The following PPFIBP2 variants were observed in gnomAD, a reference collection of about 807,000 sequenced individuals.
The protein encoded by PPFIBP2 is PPFIB scaffold protein 2.
PPFIBP2 carries 118 observed loss-of-function variants against 118.3 expected under a neutral mutation model. The observed-to-expected ratio is 1.00, with a 90% CI of 0.86 to 1.16. The LOEUF (loss-of-function observed/expected upper bound fraction) is 1.16. Among genes scored for constraint, PPFIBP2 ranks in the 50% most tolerant of loss-of-function variants. The pLI is 0.00. For synonymous variants in PPFIBP2, 414 were observed against 397.4 expected, an observed-to-expected ratio of 1.04 and a Z score of -0.50; for missense variants, 1,195 against 1,073.1, an observed-to-expected ratio of 1.11 and a Z score of -1.59.
Position 7,642,315 on chromosome 11 carries a change from C to T in PPFIBP2, c.1535C>T (p.Ser512Leu). ...CCATGCAGAATCCGAAGAACTCAGT[C>T]AGGAAATTTCTACACTGACACGCTG... The part of the protein sequence containing the change: ...KFWGKIRRTQ[S>L]GNFYTDTLGM... The change falls in exon 17 of 24, where the codon TCA becomes TTA. Residue 512 changes from serine (S) to leucine (L), a missense_variant. By Grantham distance (145) the Ser-to-Leu change is moderately radical (BLOSUM62 -2). Transcript: ENST00000299492. 1.2e-6 allele frequency: 2 copies of T among 1,614,122 alleles called. No homozygotes were observed. The highest frequency in any genetic ancestry group is 1.1e-5 in the South Asian group (1 of 91,070).
chr11:7,628,367 C>T lies in PPFIBP2; in HGVS notation c.888+21C>T, dbSNP rs1429575484. 3.1e-6 allele frequency: 5 copies of T among 1,610,704 alleles called. No homozygotes were observed. In the South Asian group the frequency reaches 4.4e-5, roughly 14 times the overall value. ...ATAAGGTAAGATGGTCATTGGGTAG[C>T]CCTGTCTTTTCCATGCTTACATCCC... On this transcript the variant is annotated intron_variant, in intron 9 of 23. Coordinates refer to ENST00000299492, the MANE Select transcript of PPFIBP2 (RefSeq NM_003621.5).
intron 21 of PPFIBP2, 163 bp from the exon 22 acceptor site, chr11:7,650,677 G>A (rs953503722): frequency 1.8e-6 from 1 of 564,618 alleles, no homozygotes; most frequent in African/African-American, 1.9e-5. Context: ...CCTAGAAACT[G>A]GGGAGGCTGG....
chr11:7,611,549 A>G (rs905119193), intron 6 of PPFIBP2, among the ~76,000 whole-genome samples: 1 of 152,260 alleles, frequency 6.6e-6, no homozygotes, highest in South Asian at 2.1e-4. Flanking sequence ...CAATAAGCTG[A>G]GAACAGTAGC....
chr11:7,634,435 C>A, intron 12 of PPFIBP2, 60 bp from the exon 13 acceptor site: 1 of 1,322,624 alleles, frequency 7.6e-7, no homozygotes, highest in Non-Finnish European at 1.1e-6. Flanking sequence ...ATGTCCTCTG[C>A]ATGAGTGATA....
chr11:7,624,581 G>A (rs1464095919), intron 7 of PPFIBP2, among the ~76,000 whole-genome samples: 1 of 152,196 alleles, frequency 6.6e-6, no homozygotes, highest in African/African-American at 2.4e-5. Flanking sequence ...GCCAACACAT[G>A]GGGAAGGGGT....
intron 1 of PPFIBP2, among the ~76,000 whole-genome samples, chr11:7,540,362 GGGA>G (rs1384276657): frequency 1.3e-5 from 2 of 152,164 alleles, no homozygotes; most frequent in East Asian, 1.9e-4. Context: ...CTGAAAGAGA[GGGA>G]GGAGATTTTA....
chr11:7,546,199 C>T (rs112548356), intron 1 of PPFIBP2, among the ~76,000 whole-genome samples: 2,268 of 152,284 alleles, frequency 0.015, 65 homozygotes, highest in African/African-American at 0.052. Context: ...CTTATGAAAG[C>T]ACATTGTATG....
intron 1 of PPFIBP2, among the ~76,000 whole-genome samples, chr11:7,523,556 G>A (rs1353738634): frequency 1.3e-5 from 2 of 152,138 alleles, no homozygotes; most frequent in Non-Finnish European, 2.9e-5. Flanking sequence ...ATGTGCACGA[G>A]CCTGCTCACC....
chr11:7,570,788 G>A (rs1490799527), intron 3 of PPFIBP2, among the ~76,000 whole-genome samples: 1 of 148,132 alleles, frequency 6.8e-6, no homozygotes, highest in African/African-American at 2.5e-5. Context: ...GTTCTACCCT[G>A]GCTCTACCAC....
At chr11:7,649,288 C>T (rs966588841) in intron 20 of PPFIBP2, 53 bp downstream of exon 20, 80 of 1,473,878 alleles carry the variant, frequency 5.4e-5, no homozygotes, top group Middle Eastern at 5.2e-4. Context: ...ACTCAGCTCA[C>T]GTGTACCCAT....
At chr11:7,613,253 T>A (rs2135518860) in intron 6 of PPFIBP2, among the ~76,000 whole-genome samples, 1 of 152,350 alleles carries the variant, frequency 6.6e-6, no homozygotes, top group South Asian at 2.1e-4. Context: ...TTAGTCTCAG[T>A]TGTATCACTT....
chr11:7,615,093 T>C (rs914783882), intron 6 of PPFIBP2, among the ~76,000 whole-genome samples: 3 of 152,100 alleles, frequency 2.0e-5, no homozygotes, highest in Admixed American at 6.5e-5. Context: ...CCCAGTACTT[T>C]GGGAGGCTGA....
chr11:7,560,944 C>A (rs1357672700), intron 2 of PPFIBP2, among the ~76,000 whole-genome samples: 1 of 152,144 alleles, frequency 6.6e-6, no homozygotes, highest in Non-Finnish European at 1.5e-5. Flanking sequence ...CAGAACTGCC[C>A]ATATAAGAAC....
At chr11:7,606,044 A>G (rs1211235736) in intron 5 of PPFIBP2, 2 of 1,530,096 alleles carry the variant, frequency 1.3e-6, no homozygotes, top group Admixed American at 2.0e-5. Flanking sequence ...GATCAAGTCA[A>G]AAGCCTGAAG....
intron 1 of PPFIBP2, among the ~76,000 whole-genome samples, chr11:7,534,515 T>C (rs1353674050): frequency 6.6e-6 from 1 of 152,300 alleles, no homozygotes; most frequent in Non-Finnish European, 1.5e-5. Flanking sequence ...TGTGTATGCA[T>C]GTGTGTTCTT....
chr11:7,586,285 A>T (rs2135123687), intron 3 of PPFIBP2, among the ~76,000 whole-genome samples: 1 of 152,356 alleles, frequency 6.6e-6, no homozygotes, highest in Middle Eastern at 3.4e-3. Context: ...ACACAAAAAG[A>T]GTGAATTAAT....
At chr11:7,610,937 T>G (rs1179804227) in intron 6 of PPFIBP2, among the ~76,000 whole-genome samples, 2 of 152,260 alleles carry the variant, frequency 1.3e-5, no homozygotes, top group Non-Finnish European at 2.9e-5. Context: ...TTCCTAATTT[T>G]GTTTTTCAGT....
intron 17 of PPFIBP2, among the ~76,000 whole-genome samples, chr11:7,647,340 A>T (rs1367735594): frequency 6.6e-6 from 1 of 152,190 alleles, no homozygotes; most frequent in African/African-American, 2.4e-5. Context: ...CACACTTTAA[A>T]TGAAAAATGG....
At chr11:7,533,049 G>C (rs1353218862) in intron 1 of PPFIBP2, among the ~76,000 whole-genome samples, 31 of 144,044 alleles carry the variant, frequency 2.2e-4, no homozygotes, top group Admixed American at 7.5e-4. Context: ...TTTTGTTGTT[G>C]TTGCTTAGCA....
Sources: gnomAD v4.1 joint callset for allele counts (sites outside exome capture counted in the v4.1 genomes callset) on GRCh38, gnomAD v4.1.1 for gene constraint, MANE v1.5 for transcripts, NCBI Gene and HGNC (gene_info 2026-07-23, HGNC 2026-07-21) for gene names.